LIPC: variants seen among roughly 807,000 people sequenced by gnomAD.
LIPC encodes lipase C, hepatic type, also known as hepatic triacylglycerol lipase.
In LIPC, 44 loss-of-function variants were observed where a neutral mutation model predicts 50.7. The ratio of observed to expected loss-of-function variants is 0.87; its 90% CI spans 0.68 to 1.11. LIPC has a LOEUF of 1.11. Among genes scored for constraint, LIPC ranks in the 50% most tolerant of loss-of-function variants. The pLI is 0.00. For missense variants in LIPC, 697 were observed against 648.2 expected (o/e 1.08, Z -0.82); for synonymous variants, 271 against 256.4 (o/e 1.06, Z -0.54).
At chr15:58,530,674 C>T (rs1892934787) in intron 1 of LIPC, among the ~76,000 whole-genome samples, 1 of 152,234 alleles carries the variant, frequency 6.6e-6, no homozygotes, top group Non-Finnish European at 1.5e-5. Flanking sequence ...ATCCCCACCC[C>T]ATTCCCTGGA....
chr15:58,495,809 A>G (rs2414586), intron 1 of LIPC, among the ~76,000 whole-genome samples: 46,965 of 152,116 alleles, frequency 0.31, 7,404 homozygotes, highest in Admixed American at 0.4. Context: ...GTCAGCATCT[A>G]CAAGTCTTTG....
intron 1 of LIPC, among the ~76,000 whole-genome samples, chr15:58,512,822 C>T (rs1204205719): frequency 6.6e-6 from 1 of 152,114 alleles, no homozygotes; most frequent in Non-Finnish European, 1.5e-5. Flanking sequence ...AAGGTACTTA[C>T]AGTCAATGTG....
At chr15:58,467,309 C>T (rs1298755525) in intron 1 of LIPC, among the ~76,000 whole-genome samples, 1 of 152,186 alleles carries the variant, frequency 6.6e-6, no homozygotes, top group African/African-American at 2.4e-5. Flanking sequence ...GGGCTTCCTG[C>T]TTGTGGAGCA....
At chr15:58,457,329 C>T (rs528522514) in intron 1 of LIPC, among the ~76,000 whole-genome samples, 1 of 152,320 alleles carries the variant, frequency 6.6e-6, no homozygotes, top group Admixed American at 6.5e-5. Context: ...ATGCTGGTCT[C>T]AAACTCCCGA....
In LIPC at chr15:58,542,564, C is replaced by A. The variant is rs1595935879; in HGVS notation, c.487C>A (p.His163Asn). 1.9e-6 allele frequency: 3 copies of A among 1,613,636 alleles called. No homozygotes were observed. The South Asian group carries it at 3.3e-5, about 18-fold the overall frequency. ...ESVQLSRSHV[H>N]LIGYSLGAHV... ...TGTGCAACTCTCTCGAAGCCATGTT[C>A]ACCTAATTGGGTACAGCCTGGGTGC... Residue 163 changes from histidine to asparagine, a missense_variant, in exon 4 of 9, where the codon CAC (histidine) becomes AAC (asparagine). Transcript: ENST00000299022.
In LIPC at chr15:58,548,217, C is replaced by T. The variant is rs1018732469; in HGVS notation, c.809-113C>T. 5.0e-5 allele frequency: 70 copies of T among 1,409,390 alleles called. No homozygotes were observed. The East Asian group carries it at 1.6e-3, about 32-fold the overall frequency. 87.3% of individuals were successfully genotyped at this position (1,409,390 alleles called of 1,614,324 possible). A position where few individuals can be genotyped will look rare whatever the true frequency, so the allele number is the denominator to read the frequency against. ...GTCTGCCTTGACAAGCCCACCCTTG[C>T]CTGTTCTGTGTGCTACTGCTAACCT... On this transcript the variant is annotated intron_variant, in intron 5 of 8. Transcript: ENST00000299022.
At chr15:58,554,122 C>G (rs1373975157) in intron 6 of LIPC, among the ~76,000 whole-genome samples, 1 of 152,106 alleles carries the variant, frequency 6.6e-6, no homozygotes, top group African/African-American at 2.4e-5. Flanking sequence ...ATTCTCTTTT[C>G]ATAAATTCAA....
At chr15:58,482,867 C>A (rs1371955738) in intron 1 of LIPC, among the ~76,000 whole-genome samples, 1 of 152,204 alleles carries the variant, frequency 6.6e-6, no homozygotes, top group East Asian at 1.9e-4. Flanking sequence ...TGAGGCCTGA[C>A]TCTGCCATTA....
At chr15:58,434,768 A>ATG (rs1893236569) in intron 1 of LIPC, 2 of 28,556 alleles carry the variant, frequency 7.0e-5, no homozygotes, top group Non-Finnish European at 2.1e-4. Flanking sequence ...ATGAGAGCCA[A>ATG]CGCTGCTCCT....
intron 1 of LIPC, among the ~76,000 whole-genome samples, chr15:58,498,412 C>T (rs762431648): frequency 1.2e-4 from 18 of 152,142 alleles, no homozygotes; most frequent in Non-Finnish European, 2.6e-4. Flanking sequence ...CAATAGGGGC[C>T]ATATTGCCCC....
chr15:58,461,711 C>T (rs1202079982), intron 1 of LIPC, among the ~76,000 whole-genome samples: 2 of 151,994 alleles, frequency 1.3e-5, no homozygotes, highest in African/African-American at 4.8e-5. Context: ...AGCCACTGGG[C>T]CCCGCCACCT....
intron 1 of LIPC, chr15:58,454,921 C>G (rs1248793978): frequency 1.3e-5 from 2 of 152,316 alleles, no homozygotes; most frequent in South Asian, 4.1e-4. Flanking sequence ...ATAGAACTTA[C>G]AATGAAACAA....
chr15:58,490,834 G>A (rs1278413644), intron 1 of LIPC, among the ~76,000 whole-genome samples: 1 of 152,136 alleles, frequency 6.6e-6, no homozygotes, highest in African/African-American at 2.4e-5. Flanking sequence ...CCAGTTATTA[G>A]GGAGGAGGGC....
chr15:58,445,325 C>G (rs1893655604), intron 1 of LIPC, among the ~76,000 whole-genome samples: 1 of 152,246 alleles, frequency 6.6e-6, no homozygotes, highest in African/African-American at 2.4e-5. Context: ...AACCTGCTCC[C>G]TCTGGCTTTG....
intron 1 of LIPC, among the ~76,000 whole-genome samples, chr15:58,451,221 G>T (rs965383528): frequency 6.6e-6 from 1 of 152,162 alleles, no homozygotes; most frequent in African/African-American, 2.4e-5. Flanking sequence ...GTAGAGCAGT[G>T]GGGTGGAGGA....
At position 58,492,716 on chromosome 15, in the gene LIPC, G is replaced by A. The variant is rs541141851; in HGVS notation, c.89-45617G>A. Among the ~76,000 whole-genome samples the A allele has an allele frequency of 3.3e-5, 5 of 152,230 alleles. No individual in the cohort carries two copies. The East Asian group carries it at 5.8e-4, about 18-fold the overall frequency. On this transcript the variant is annotated intron_variant, in intron 1 of 8. Coordinates refer to ENST00000299022, the MANE Select transcript of LIPC (RefSeq NM_000236.3). ...TCCCACCAATCTCCACCTGGTGCCTGGAATTCCTCTATTTTTGTTTTTTGT... is the reference window on the plus strand; with the variant it reads ...TCCCACCAATCTCCACCTGGTGCCTAGAATTCCTCTATTTTTGTTTTTTGT...
At chr15:58,523,616 T>TA (rs1195900224) in intron 1 of LIPC, among the ~76,000 whole-genome samples, 1 of 151,480 alleles carries the variant, frequency 6.6e-6, no homozygotes, top group African/African-American at 2.4e-5. Flanking sequence ...GGATTTTTTT[T>TA]TTATTTAAAA....
intron 6 of LIPC, among the ~76,000 whole-genome samples, chr15:58,550,894 T>C (rs1282968172): frequency 7.5e-6 from 1 of 133,248 alleles, no homozygotes; most frequent in Non-Finnish European, 1.5e-5. Flanking sequence ...TGGAGTGCAG[T>C]GGCGTGATCT....
At chr15:58,472,772 C>T (rs1337306069) in intron 1 of LIPC, among the ~76,000 whole-genome samples, 1 of 152,104 alleles carries the variant, frequency 6.6e-6, no homozygotes, top group Non-Finnish European at 1.5e-5. Context: ...AAGCATTGTA[C>T]TCACCCACTG....
Sources: allele counts gnomAD v4.1 joint callset (sites outside exome capture counted in the v4.1 genomes callset), GRCh38; gene constraint gnomAD v4.1.1; transcripts MANE v1.5; gene names NCBI Gene and HGNC (gene_info 2026-07-23, HGNC 2026-07-21).